PPARGC1A: variants seen among roughly 807,000 people sequenced by gnomAD.
PPARGC1A encodes peroxisome proliferator-activated receptor gamma coactivator 1-alpha.
PPARGC1A carries 25 observed loss-of-function variants against 88.7 expected under a neutral mutation model. The ratio of observed to expected loss-of-function variants is 0.28; its 90% confidence interval spans 0.21 to 0.39. PPARGC1A has a LOEUF of 0.39. Ranked by LOEUF, PPARGC1A falls within the 10% of genes least tolerant of loss-of-function variation. The pLI is 1.00. For synonymous variants in PPARGC1A, 363 were observed against 355.6 expected, an observed-to-expected ratio of 1.02 and a Z score of -0.24; for missense variants, 880 against 968.7, an observed-to-expected ratio of 0.91 and a Z score of 1.22.
At chr4:23,873,370 A>G (rs187079665) in intron 2 of PPARGC1A, among the ~76,000 whole-genome samples, 16 of 152,250 alleles carry the variant, frequency 1.1e-4, no homozygotes, top group Admixed American at 2.0e-4. Flanking sequence ...TAAGCGGGTA[A>G]TACAGATTGC....
chr4:24,115,774 T>C, the PPARGC1A span, among the ~76,000 whole-genome samples: 4,922 of 152,178 alleles, frequency 0.032, 223 homozygotes, highest in African/African-American at 0.095. Context: ...TCTCCAAAGA[T>C]TGACCCAGCT....
At chr4:24,132,017 A>C in the PPARGC1A span, among the ~76,000 whole-genome samples, 1 of 152,202 alleles carries the variant, frequency 6.6e-6, no homozygotes, top group African/African-American at 2.4e-5. Context: ...CTTTGTGCCA[A>C]TTCACACTGG....
At position 23,792,168 on chromosome 4, in the gene PPARGC1A, G is replaced by T. The variant is rs1364780230; in HGVS notation, c.*3654C>A. 1 of 152,540 alleles carries T rather than the reference G, an allele frequency of 6.6e-6. No homozygotes were observed. Among genetic ancestry groups the T allele is most frequent in the African/African-American group, 2.4e-5 (1 of 41,410 alleles). The allele number at this position is 152,540 out of a possible 1,614,324, so 9.4% of individuals were successfully genotyped here. On this transcript the variant is annotated 3_prime_UTR_variant, in exon 13 of 13. Transcript: ENST00000264867. ...CAGGTGGAAAAAAGGCCCGGCAAGG[G>T]CTCAACTAATCGCTCACTTTCCCTC...
chr4:23,917,656 C>T, the PPARGC1A span, among the ~76,000 whole-genome samples: 8 of 152,074 alleles, frequency 5.3e-5, no homozygotes, highest in African/African-American at 1.9e-4. Flanking sequence ...GATAAAAGAC[C>T]ACATAAGGGT....
the PPARGC1A span, among the ~76,000 whole-genome samples, chr4:24,114,046 C>T: frequency 6.6e-6 from 1 of 150,960 alleles, no homozygotes; most frequent in Non-Finnish European, 1.5e-5. Context: ...ATCTCTTGAA[C>T]CCAGGAGGTG....
the PPARGC1A span, among the ~76,000 whole-genome samples, chr4:24,148,506 A>T: frequency 6.6e-6 from 1 of 152,156 alleles, no homozygotes; most frequent in Non-Finnish European, 1.5e-5. Flanking sequence ...CTACTATGTG[A>T]TCTGTCAGAT....
At chr4:24,441,508 T>C in the PPARGC1A span, among the ~76,000 whole-genome samples, 20 of 151,906 alleles carry the variant, frequency 1.3e-4, no homozygotes, top group Admixed American at 3.9e-4. Context: ...AGGGAAGAGG[T>C]ACCACCCGGA....
chr4:24,313,669 A>G, the PPARGC1A span, among the ~76,000 whole-genome samples: 1 of 152,226 alleles, frequency 6.6e-6, no homozygotes, highest in Non-Finnish European at 1.5e-5. Flanking sequence ...AATGTATGCA[A>G]TTGGAAATTC....
the PPARGC1A span, among the ~76,000 whole-genome samples, chr4:24,128,457 T>A: frequency 6.6e-6 from 1 of 151,672 alleles, no homozygotes; most frequent in African/African-American, 2.4e-5. Context: ...TCCTGAGAAG[T>A]TGCATGTCAG....
chr4:24,077,624 G>T, the PPARGC1A span, among the ~76,000 whole-genome samples: 3 of 130,902 alleles, frequency 2.3e-5, no homozygotes, highest in Admixed American at 2.3e-4. Context: ...TGTGTCTAGG[G>T]GTGTGTGTGT....
chr4:24,104,469 G>A, the PPARGC1A span, among the ~76,000 whole-genome samples: 4 of 152,206 alleles, frequency 2.6e-5, no homozygotes, highest in East Asian at 5.8e-4. Flanking sequence ...GAACAAATAC[G>A]TGTTATTTGT....
chr4:23,999,056 T>C, the PPARGC1A span, among the ~76,000 whole-genome samples: 1 of 152,222 alleles, frequency 6.6e-6, no homozygotes, highest in Non-Finnish European at 1.5e-5. Context: ...CTCTGGAGAT[T>C]CTTTTGCCTA....
intron 1 of PPARGC1A, among the ~76,000 whole-genome samples, chr4:23,888,094 T>A (rs576965929): frequency 6.6e-6 from 1 of 152,194 alleles, no homozygotes; most frequent in Admixed American, 6.5e-5. Context: ...AAATGAAAAC[T>A]GCCAACGCTA....
chr4:23,876,200 T>A (rs1714654966), intron 2 of PPARGC1A, among the ~76,000 whole-genome samples: 1 of 152,202 alleles, frequency 6.6e-6, no homozygotes, highest in African/African-American at 2.4e-5. Flanking sequence ...ATCTTTTTAG[T>A]AAAAGCTGTA....
At chr4:23,983,660 A>G in the PPARGC1A span, among the ~76,000 whole-genome samples, 12 of 152,266 alleles carry the variant, frequency 7.9e-5, no homozygotes, top group South Asian at 2.5e-3. Flanking sequence ...GCATAGAAAT[A>G]TTAATTAAAT....
In PPARGC1A at chr4:23,813,030, C is replaced by T. The variant is rs372413128; in HGVS notation, c.1889G>A (p.Arg630His). 31 of 1,613,788 alleles carry T rather than the reference C, an allele frequency of 1.9e-5. No individual in the cohort carries two copies. In the African/African-American group the frequency reaches 2.1e-4, roughly 11 times the overall value. The change falls in exon 9 of 13, where the codon CGT becomes CAT. Residue 630 changes from arginine to histidine, a missense_variant. Transcript: ENST00000264867. Reference protein sequence around the residue: ...VRSRSRSPYSRRPRYDSYEEY... With the variant: ...VRSRSRSPYSHRPRYDSYEEY... ...TGACATGCCTCATTACCTGGGCCGACGGCTGTAGGGCGATCTTGAACGTGA... is the reference window on the plus strand; with the variant it reads ...TGACATGCCTCATTACCTGGGCCGATGGCTGTAGGGCGATCTTGAACGTGA...
the PPARGC1A span, among the ~76,000 whole-genome samples, chr4:23,980,541 G>T: frequency 2.0e-5 from 3 of 152,128 alleles, no homozygotes; most frequent in African/African-American, 4.8e-5. Context: ...ACCCATTTGT[G>T]CAAGTTTAGA....
chr4:24,012,209 C>T, the PPARGC1A span, among the ~76,000 whole-genome samples: 9 of 152,012 alleles, frequency 5.9e-5, no homozygotes, highest in Non-Finnish European at 2.9e-5. Context: ...TGATAAACTG[C>T]TTATATACAA....
At chr4:23,921,322 T>A in the PPARGC1A span, among the ~76,000 whole-genome samples, 1 of 152,158 alleles carries the variant, frequency 6.6e-6, no homozygotes, top group East Asian at 1.9e-4. Flanking sequence ...AAGAATTGAA[T>A]TGAATGTGAA....
Sources: gnomAD v4.1 joint callset for allele counts (sites outside exome capture counted in the v4.1 genomes callset) on GRCh38, gnomAD v4.1.1 for gene constraint, MANE v1.5 for transcripts, NCBI Gene and HGNC (gene_info 2026-07-23, HGNC 2026-07-21) for gene names.